The following TBX10 variants were observed in gnomAD, a reference collection of about 807,000 sequenced individuals.
The protein encoded by TBX10 is T-box transcription factor TBX10.
Under a neutral mutation model 32.4 loss-of-function variants are expected in TBX10, and 26 were observed. The ratio of observed to expected loss-of-function variants is 0.80; its 90% CI spans 0.59 to 1.11. The LOEUF is 1.11. TBX10 is among the 50% of genes most tolerant of loss of function. TBX10 has a pLI of 0.00. For synonymous variants in TBX10, 195 were observed against 203.1 expected, an observed-to-expected ratio of 0.96 and a Z score of 0.34; for missense variants, 490 against 494.5, an observed-to-expected ratio of 0.99 and a Z score of 0.09.
Position 67,631,499 on chromosome 11 carries a change from G to T in TBX10, c.*106C>A. The T allele has an allele frequency of 7.1e-7, 1 of 1,417,576 alleles. No individual in the cohort carries two copies. Among genetic ancestry groups the T allele is most frequent in the Non-Finnish European group, 9.6e-7 (1 of 1,042,302 alleles). The allele number at this position is 1,417,576 out of a possible 1,614,324, so 87.8% of individuals were successfully genotyped here. On this transcript the variant is annotated 3_prime_UTR_variant, in exon 8 of 8. Coordinates refer to ENST00000335385, the MANE Select transcript of TBX10 (RefSeq NM_005995.5). ...CTTTCTCTAGACTTTCACCTACCCTGCTCTCCTTGAGACAGAGATGGGGCT... is the reference window on the plus strand; with the variant it reads ...CTTTCTCTAGACTTTCACCTACCCTTCTCTCCTTGAGACAGAGATGGGGCT...
chr11:67,639,777 C>T (rs1298012942), upstream of TBX10, among the ~76,000 whole-genome samples: 1 of 152,222 alleles, frequency 6.6e-6, no homozygotes, highest in Non-Finnish European at 1.5e-5. Context: ...CAAGGCTGTG[C>T]GGGAGGAGGG....
chr11:67,637,639 G>A (rs1412155203), intron 1 of TBX10, among the ~76,000 whole-genome samples: 2 of 152,230 alleles, frequency 1.3e-5, no homozygotes, highest in Non-Finnish European at 2.9e-5. Context: ...AAGAGGAACA[G>A]GCTATGACCT....
intron 7 of TBX10, 60 bp from the exon 8 acceptor site, chr11:67,631,954 G>A (rs1855243384): frequency 1.3e-6 from 2 of 1,549,012 alleles, no homozygotes; most frequent in Admixed American, 2.0e-5. Flanking sequence ...CTCATCCCAG[G>A]CCTGCCCTGG....
intron 1 of TBX10, 121 bp downstream of exon 1, chr11:67,639,344 CT>C: frequency 6.9e-7 from 1 of 1,446,760 alleles, no homozygotes; most frequent in Non-Finnish European, 9.5e-7. Flanking sequence ...TGGGGTGCCC[CT>C]GCCCCACCCT....
chr11:67,635,982 T>A (rs1378979067), intron 1 of TBX10, among the ~76,000 whole-genome samples: 1 of 151,268 alleles, frequency 6.6e-6, no homozygotes, highest in African/African-American at 2.4e-5. Flanking sequence ...CTAAATAAGA[T>A]ACCATTTTAT....
rs267603142 is a variant in TBX10, at chr11:67,631,691, C to T, written c.1072G>A (p.Asp358Asn). 6.2e-7 allele frequency: 1 copy of T among 1,608,214 alleles called. No homozygotes were observed. ...YPLPNIRADR[D>N]QGGLPLPAGL... Reference sequence around the variant, plus strand: ...GCTGGGAGAGGCAGGCCTCCTTGATCCCTATCAGCCCGGATGTTGGGGAGG... The same window carrying T: ...GCTGGGAGAGGCAGGCCTCCTTGATTCCTATCAGCCCGGATGTTGGGGAGG... Residue 358 changes from aspartate to asparagine, a missense_variant, in exon 8 of 8, where the codon GAT becomes AAT. This residue lies in a region of TBX10 where 177 missense variants were observed against 176.6 expected (regional missense o/e 1.00). Transcript: ENST00000335385.
rs765054943 is a variant in TBX10 at position 67,634,182 on chromosome 11, G to T, written c.549+7C>A. 3.7e-6 allele frequency: 6 copies of T among 1,612,320 alleles called. No homozygotes were observed. The highest frequency in any genetic ancestry group is 3.3e-5 in the South Asian group (3 of 91,086). ...CCCTTCCGTCCCCACCGTGGCCCCG[G>T]CCTCACGTGGCCATTGTCATCCAGC... On this transcript the variant is annotated splice_region_variant and intron_variant, in intron 4 of 7. Coordinates refer to ENST00000335385, the MANE Select transcript of TBX10 (RefSeq NM_005995.5).
In TBX10 at chr11:67,631,733, G is replaced by T; in HGVS notation, c.1030C>A (p.Arg344=). ...TTGGGGAGGGGGTATGGTGCTGGTCGGGTCCTTGGGATCCCTAGGTGGCTC... is the reference window on the plus strand; with the variant it reads ...TTGGGGAGGGGGTATGGTGCTGGTCTGGTCCTTGGGATCCCTAGGTGGCTC... ...APSHLGIPRT[R]PAPYPLPNIR... Residue 344 remains arginine (R), a synonymous_variant, in exon 8 of 8, where the codon CGA becomes AGA. Transcript: ENST00000335385. 2 of 1,610,282 alleles carry T rather than the reference G, an allele frequency of 1.2e-6. No individual in the cohort carries two copies. Among genetic ancestry groups the T allele is most frequent in the Non-Finnish European group, 8.5e-7 (1 of 1,178,718 alleles).
chr11:67,635,881 T>C (rs934453592), intron 1 of TBX10, among the ~76,000 whole-genome samples: 7 of 152,126 alleles, frequency 4.6e-5, no homozygotes, highest in East Asian at 1.9e-4. Context: ...CACTCTTTTC[T>C]AAGCATCTTG....
chr11:67,634,990 T>A lies in TBX10; in HGVS notation c.275+6A>T. 1 of 1,613,378 alleles carries A rather than the reference T, an allele frequency of 6.2e-7. No homozygotes were observed. Among genetic ancestry groups the A allele is most frequent in the Non-Finnish European group, 8.5e-7 (1 of 1,180,008 alleles). On this transcript the variant is annotated splice_donor_region_variant and intron_variant, in intron 2 of 7. Transcript: ENST00000335385. The stretch of plus-strand genomic sequence containing the variant: ...CCCTGCCTCACCCCGCCCCCGCTGC[T>A]CACACCTGCCTGCCTTGGTGACGAT...
Position 67,634,369 on chromosome 11 carries a change from C to T in TBX10, c.378-9G>A, listed in dbSNP as rs1265842935. The stretch of plus-strand genomic sequence containing the variant: ...AGCTGTGGAAGGCATACCTGGGGAG[C>T]ACAGCGAGGTGGTGAGGGCTTCCCC... On this transcript the variant is annotated splice_polypyrimidine_tract_variant and intron_variant, in intron 3 of 7. Coordinates refer to ENST00000335385, the MANE Select transcript of TBX10 (RefSeq NM_005995.5). The T allele has an allele frequency of 1.2e-6, 2 of 1,600,886 alleles. No homozygotes were observed. The highest frequency in any genetic ancestry group is 2.2e-5 in the East Asian group (1 of 44,876).
chr11:67,634,740 T>G, intron 3 of TBX10, 76 bp downstream of exon 3: 1 of 1,462,832 alleles, frequency 6.8e-7, no homozygotes, highest in Non-Finnish European at 9.6e-7. Flanking sequence ...CTGCCTCACC[T>G]TGGGGTGCAG....
chr11:67,636,643 G>A (rs1022488113), intron 1 of TBX10, among the ~76,000 whole-genome samples: 4 of 151,894 alleles, frequency 2.6e-5, no homozygotes, highest in South Asian at 2.1e-4. Flanking sequence ...GATTACAGGC[G>A]TGCATCATCA....
At chr11:67,641,744 C>G (rs1183888261), upstream of TBX10, among the ~76,000 whole-genome samples, 1 of 152,232 alleles carries the variant, frequency 6.6e-6, no homozygotes, top group East Asian at 1.9e-4. Flanking sequence ...GAGGCTGCAG[C>G]CAGGTCGCAT....
chr11:67,633,522 G>A (rs919777453), intron 4 of TBX10, among the ~76,000 whole-genome samples: 1 of 152,058 alleles, frequency 6.6e-6, no homozygotes, highest in African/African-American at 2.4e-5. Flanking sequence ...AGAGCCCCCC[G>A]AAGTCAGCCC....
At position 67,635,016 on chromosome 11, in the gene TBX10, C is replaced by T; in HGVS notation, c.255G>A (p.Met85Ile). 6.2e-7 allele frequency: 1 copy of T among 1,613,686 alleles called. No homozygotes were observed. The highest frequency in any genetic ancestry group is 8.5e-7 in the Non-Finnish European group (1 of 1,180,022). Residue 85 changes from methionine to isoleucine, a missense_variant, in exon 2 of 8, where the codon ATG becomes ATA. Transcript: ENST00000335385. ...CACACCTGCCTGCCTTGGTGACGAT[C>T]ATCTCAGTGCCCAGCTGGTTGAATT... ...WEEFNQLGTE[M>I]IVTKAGRRMF...
At chr11:67,638,210 A>AAAATAAATAAATAAAT (rs3029208) in intron 1 of TBX10, among the ~76,000 whole-genome samples, 242 of 149,792 alleles carry the variant, frequency 1.6e-3, no homozygotes, top group African/African-American at 5.7e-3. Context: ...TCTGTCTCAA[A>AAAATAAATAAATAAAT]AAATAAATAA....
intron 3 of TBX10, 83 bp from the exon 4 acceptor site, chr11:67,634,443 C>G (rs544794599): frequency 3.3e-6 from 5 of 1,523,338 alleles, no homozygotes; most frequent in African/African-American, 1.4e-5. Context: ...GGGCTGCTGC[C>G]GACTCCAACA....
intron 6 of TBX10, 50 bp from the exon 7 acceptor site, chr11:67,632,462 G>A (rs1855252167): frequency 1.3e-6 from 2 of 1,595,960 alleles, no homozygotes; most frequent in Admixed American, 1.7e-5. Flanking sequence ...GAAGAACCCA[G>A]GCCAGGGATC....
Sources: gnomAD v4.1 joint callset for allele counts (sites outside exome capture counted in the v4.1 genomes callset) on GRCh38, gnomAD v4.1.1 for gene constraint, gnomAD v4.1.1 regional missense constraint, MANE v1.5 for transcripts, NCBI Gene and HGNC (gene_info 2026-07-23, HGNC 2026-07-21) for gene names.